The following NKAIN2 variants were observed in gnomAD, a reference collection of about 807,000 sequenced individuals.
NKAIN2 encodes sodium/potassium transporting ATPase interacting 2, also known as sodium/potassium-transporting ATPase subunit beta-1-interacting protein 2.
A neutral mutation model predicts 32.6 loss-of-function variants in NKAIN2; 14 were observed. The observed-to-expected ratio is 0.43, with a 90% CI of 0.28 to 0.67. The LOEUF is 0.67. Among genes scored for constraint, NKAIN2 ranks in the 30% least tolerant of loss-of-function variants. The pLI is 0.17. For synonymous variants in NKAIN2, 80 were observed against 87.2 expected (o/e 0.92, Z 0.46); for missense variants, 198 against 258.3 (o/e 0.77, Z 1.60).
At chr6:123,942,993 T>C (rs1253069959) in intron 1 of NKAIN2, among the ~76,000 whole-genome samples, 1 of 152,046 alleles carries the variant, frequency 6.6e-6, no homozygotes, top group Non-Finnish European at 1.5e-5. Context: ...AAGCAGTCAG[T>C]TTATAGCATA....
At chr6:124,267,762 C>T (rs774745929) in intron 1 of NKAIN2, among the ~76,000 whole-genome samples, 1 of 152,076 alleles carries the variant, frequency 6.6e-6, no homozygotes, top group African/African-American at 2.4e-5. Flanking sequence ...TTATAAAATA[C>T]TCTTGATATA....
intron 3 of NKAIN2, among the ~76,000 whole-genome samples, chr6:124,411,547 A>G (rs1471876384): frequency 6.6e-6 from 1 of 152,244 alleles, no homozygotes; most frequent in East Asian, 1.9e-4. Context: ...CTGCTGAGAG[A>G]TCAGCTGTTA....
At chr6:124,058,204 GTTTT>G (rs35264755) in intron 1 of NKAIN2, among the ~76,000 whole-genome samples, 16 of 132,232 alleles carry the variant, frequency 1.2e-4, no homozygotes, top group African/African-American at 3.8e-4. Flanking sequence ...TTTAAGTTTT[GTTTT>G]TTTTTTTTTT....
chr6:124,335,402 T>C (rs1411613453), intron 2 of NKAIN2, among the ~76,000 whole-genome samples: 2 of 152,184 alleles, frequency 1.3e-5, no homozygotes, highest in African/African-American at 4.8e-5. Context: ...TTTAAGGTTC[T>C]ACTGATTGAT....
intron 3 of NKAIN2, among the ~76,000 whole-genome samples, chr6:124,397,542 T>G (rs1172354353): frequency 2.0e-5 from 3 of 151,762 alleles, no homozygotes; most frequent in African/African-American, 7.3e-5. Flanking sequence ...TTTTTTTTAA[T>G]TATAACCAGG....
intron 1 of NKAIN2, among the ~76,000 whole-genome samples, chr6:124,228,572 A>G (rs1792244539): frequency 1.3e-5 from 2 of 152,186 alleles, no homozygotes; most frequent in South Asian, 4.2e-4. Context: ...TGAACACACA[A>G]CTTAGTCCAT....
chr6:124,597,697 C>A (rs1461721570), intron 3 of NKAIN2, among the ~76,000 whole-genome samples: 1 of 152,092 alleles, frequency 6.6e-6, no homozygotes, highest in Non-Finnish European at 1.5e-5. Context: ...TCCAAGGGAC[C>A]TGATACCCAC....
intron 3 of NKAIN2, among the ~76,000 whole-genome samples, chr6:124,460,316 A>G (rs1039131834): frequency 6.6e-6 from 1 of 151,764 alleles, no homozygotes; most frequent in Non-Finnish European, 1.5e-5. Context: ...TAATCTATAA[A>G]TTGAATAATG....
chr6:124,739,059 C>T (rs1314718304), intron 4 of NKAIN2, among the ~76,000 whole-genome samples: 1 of 148,450 alleles, frequency 6.7e-6, no homozygotes, highest in Admixed American at 6.8e-5. Context: ...GCATAATGCA[C>T]TTTTGAAAAT....
chr6:124,778,080 G>A (rs527273145), intron 4 of NKAIN2, among the ~76,000 whole-genome samples: 5 of 152,008 alleles, frequency 3.3e-5, no homozygotes, highest in East Asian at 1.9e-4. Flanking sequence ...ATCAAACTTC[G>A]CTTTTCTGGG....
intron 1 of NKAIN2, among the ~76,000 whole-genome samples, chr6:124,102,132 G>A (rs763170030): frequency 9.2e-5 from 14 of 152,224 alleles, no homozygotes; most frequent in Non-Finnish European, 1.5e-4. Context: ...AATACAGAAT[G>A]TAACAGTCTC....
At chr6:123,900,485 A>G (rs560613509) in intron 1 of NKAIN2, among the ~76,000 whole-genome samples, 1 of 150,192 alleles carries the variant, frequency 6.7e-6, no homozygotes, top group Admixed American at 6.6e-5. Context: ...AAATAATAAT[A>G]ATAAAAGAAA....
chr6:124,675,784 AGTT>A (rs1364049286), intron 4 of NKAIN2, among the ~76,000 whole-genome samples: 2 of 151,524 alleles, frequency 1.3e-5, no homozygotes, highest in Non-Finnish European at 2.9e-5. Context: ...TTCAAAAAAC[AGTT>A]GTTAGTTTTT....
intron 3 of NKAIN2, among the ~76,000 whole-genome samples, chr6:124,587,777 C>T (rs1165063390): frequency 1.3e-5 from 2 of 152,208 alleles, no homozygotes; most frequent in Non-Finnish European, 2.9e-5. Context: ...AGGCAATTCA[C>T]TCCACTTCCG....
intron 1 of NKAIN2, among the ~76,000 whole-genome samples, chr6:123,958,161 A>G (rs1304827840): frequency 2.0e-5 from 3 of 152,128 alleles, no homozygotes; most frequent in Admixed American, 2.0e-4. Flanking sequence ...GACACCGACC[A>G]GTGTAGGAAG....
intron 4 of NKAIN2, among the ~76,000 whole-genome samples, chr6:124,685,837 A>G (rs1278499902): frequency 6.6e-6 from 1 of 152,222 alleles, no homozygotes. Context: ...TATTGCTGCT[A>G]TATCAATTAA....
chr6:124,718,811 G>A (rs1055763616), intron 4 of NKAIN2, among the ~76,000 whole-genome samples: 1 of 151,946 alleles, frequency 6.6e-6, no homozygotes, highest in Non-Finnish European at 1.5e-5. Context: ...CTTCTATCCT[G>A]TGTCTATCTT....
At chr6:124,647,756 G>A (rs1010051670) in intron 3 of NKAIN2, among the ~76,000 whole-genome samples, 1 of 151,962 alleles carries the variant, frequency 6.6e-6, no homozygotes, top group South Asian at 2.1e-4. Flanking sequence ...AGAAAATAAC[G>A]GAGAAATTTC....
At chr6:124,299,826 T>G (rs1327890279) in intron 2 of NKAIN2, among the ~76,000 whole-genome samples, 1 of 152,244 alleles carries the variant, frequency 6.6e-6, no homozygotes, top group Admixed American at 6.5e-5. Flanking sequence ...AATTTAAAAG[T>G]GTAACTTAAC....
Sources: allele counts gnomAD v4.1 joint callset (sites outside exome capture counted in the v4.1 genomes callset), GRCh38; gene constraint gnomAD v4.1.1; transcripts MANE v1.5; gene names NCBI Gene and HGNC (gene_info 2026-07-23, HGNC 2026-07-21).